Variants in RALGPS2 observed in about 807,000 individuals in gnomAD.
The protein encoded by RALGPS2 is Ral GEF with PH domain and SH3 binding motif 2.
A neutral mutation model predicts 86.8 loss-of-function variants in RALGPS2; 43 were observed. That is an observed-to-expected ratio of 0.50 (90% CI 0.39 to 0.64). The LOEUF is 0.64. Ranked by LOEUF, RALGPS2 falls within the 30% of genes least tolerant of loss-of-function variation. The probability of loss-of-function intolerance (pLI) is 0.00; values close to 1 mark genes in which losing one functional copy is unlikely to be tolerated. For missense variants in RALGPS2, 536 were observed against 694.6 expected, an observed-to-expected ratio of 0.77 and a Z score of 2.57; for synonymous variants, 243 against 231.3, an observed-to-expected ratio of 1.05 and a Z score of -0.46.
chr1:178,873,645 A>G (rs1017873825), intron 8 of RALGPS2, among the ~76,000 whole-genome samples: 1 of 152,148 alleles, frequency 6.6e-6, no homozygotes, highest in Non-Finnish European at 1.5e-5. Context: ...GTACTGGGAG[A>G]TGTGTATAAG....
At chr1:178,737,339 C>T (rs1650766233) in intron 1 of RALGPS2, among the ~76,000 whole-genome samples, 1 of 152,222 alleles carries the variant, frequency 6.6e-6, no homozygotes, top group South Asian at 2.1e-4. Context: ...CTCTGCCTCC[C>T]AGGTTCAAGC....
At chr1:178,799,626 A>G (rs1382980210) in intron 4 of RALGPS2, among the ~76,000 whole-genome samples, 3 of 152,140 alleles carry the variant, frequency 2.0e-5, no homozygotes. Context: ...GGTTCCATTG[A>G]TGCTTTGTCT....
Position 178,792,896 on chromosome 1 carries a change from C to CGTGG in RALGPS2, c.213+7289_213+7290insGTGG. ...TATATTCAACCACTATTAATATACCCTTGCAACTCTTACTTTCACACAGTT... is the reference window on the plus strand; with the variant it reads ...TATATTCAACCACTATTAATATACCCGTGGTTGCAACTCTTACTTTCACACAGTT... On this transcript the variant is annotated intron_variant, in intron 4 of 19. Coordinates refer to ENST00000367635, the MANE Select transcript of RALGPS2 (RefSeq NM_152663.5). Among the ~76,000 whole-genome samples, 4 of 152,246 alleles carry CGTGG rather than the reference C, an allele frequency of 2.6e-5. No individual in the cohort carries two copies. The South Asian group carries it at 8.3e-4, about 32-fold the overall frequency.
chr1:178,805,935 A>T (rs1047747945), intron 4 of RALGPS2, among the ~76,000 whole-genome samples: 5 of 151,964 alleles, frequency 3.3e-5, no homozygotes, highest in Admixed American at 2.6e-4. Flanking sequence ...ATTTCCAAAC[A>T]CATAAGGAAT....
intron 4 of RALGPS2, among the ~76,000 whole-genome samples, chr1:178,805,610 A>T (rs972372844): frequency 6.6e-6 from 1 of 152,054 alleles, no homozygotes; most frequent in African/African-American, 2.4e-5. Flanking sequence ...TTCTTTGAGG[A>T]ATTTATGTCT....
intron 16 of RALGPS2, among the ~76,000 whole-genome samples, chr1:178,895,754 A>G (rs921157857): frequency 6.6e-6 from 1 of 151,960 alleles, no homozygotes; most frequent in Non-Finnish European, 1.5e-5. Flanking sequence ...AGATGGGTGT[A>G]TGTTGGGGAC....
intron 1 of RALGPS2, among the ~76,000 whole-genome samples, chr1:178,743,408 T>C (rs984967065): frequency 2.6e-5 from 4 of 152,204 alleles, no homozygotes; most frequent in Non-Finnish European, 4.4e-5. Flanking sequence ...GTGGATATTA[T>C]TTTTAACTTT....
chr1:178,729,620 T>C (rs1281663350), intron 1 of RALGPS2, among the ~76,000 whole-genome samples: 1 of 152,240 alleles, frequency 6.6e-6, no homozygotes, highest in East Asian at 1.9e-4. Flanking sequence ...TATTAAACTT[T>C]TTGAGTGCCA....
At chr1:178,765,168 T>G (rs1204962363) in intron 1 of RALGPS2, among the ~76,000 whole-genome samples, 1 of 152,072 alleles carries the variant, frequency 6.6e-6, no homozygotes. Flanking sequence ...TCTTTTTTTT[T>G]TTTTTATACA....
At chr1:178,915,174 CTT>C (rs1002263201) in intron 19 of RALGPS2, among the ~76,000 whole-genome samples, 5 of 152,292 alleles carry the variant, frequency 3.3e-5, no homozygotes, top group Admixed American at 1.3e-4. Context: ...TGCAAAATAT[CTT>C]AAACCACATT....
At chr1:178,815,179 C>T (rs1655168728) in intron 6 of RALGPS2, among the ~76,000 whole-genome samples, 2 of 152,156 alleles carry the variant, frequency 1.3e-5, no homozygotes, top group South Asian at 4.1e-4. Flanking sequence ...CTCCTGGGTT[C>T]ATGTGATTCT....
At chr1:178,825,763 A>AC (rs1655716591) in intron 7 of RALGPS2, among the ~76,000 whole-genome samples, 2 of 152,238 alleles carry the variant, frequency 1.3e-5, no homozygotes, top group Non-Finnish European at 1.5e-5. Context: ...CATACTAGCC[A>AC]CATTGCAAGT....
chr1:178,871,939 C>G (rs1658782159), intron 8 of RALGPS2, among the ~76,000 whole-genome samples: 1 of 152,188 alleles, frequency 6.6e-6, no homozygotes, highest in Non-Finnish European at 1.5e-5. Flanking sequence ...TACAACTATA[C>G]TATTGTATTT....
intron 8 of RALGPS2, among the ~76,000 whole-genome samples, chr1:178,838,945 G>A (rs1206483984): frequency 2.0e-5 from 3 of 151,876 alleles, no homozygotes; most frequent in East Asian, 3.9e-4. Context: ...GAAATGAAGC[G>A]AGAAGAGAAG....
intron 1 of RALGPS2, among the ~76,000 whole-genome samples, chr1:178,736,204 C>T (rs1208767427): frequency 2.7e-5 from 4 of 147,300 alleles, no homozygotes; most frequent in Admixed American, 6.8e-5. Context: ...CTCACTGTGT[C>T]GCCCAGCCTG....
At chr1:178,735,449 A>G (rs550567735) in intron 1 of RALGPS2, among the ~76,000 whole-genome samples, 2 of 116,920 alleles carry the variant, frequency 1.7e-5, no homozygotes, top group African/African-American at 3.1e-5. Context: ...TTTTTTTTTG[A>G]TGCTGTAGCC....
intron 4 of RALGPS2, among the ~76,000 whole-genome samples, chr1:178,801,162 G>T (rs1654452830): frequency 6.6e-6 from 1 of 152,034 alleles, no homozygotes; most frequent in African/African-American, 2.4e-5. Context: ...CTGACCTCAG[G>T]TGATCCACCT....
At chr1:178,884,242 A>C (rs1659381992) in intron 11 of RALGPS2, among the ~76,000 whole-genome samples, 1 of 152,174 alleles carries the variant, frequency 6.6e-6, no homozygotes, top group Non-Finnish European at 1.5e-5. Flanking sequence ...TCAAATGTTC[A>C]CTTTAATACT....
chr1:178,896,051 A>G (rs1407693713), intron 16 of RALGPS2, among the ~76,000 whole-genome samples: 1 of 152,048 alleles, frequency 6.6e-6, no homozygotes, highest in Non-Finnish European at 1.5e-5. Context: ...AAGAGTATAA[A>G]GGAAAACTAA....
Sources: gnomAD v4.1 joint callset for allele counts (sites outside exome capture counted in the v4.1 genomes callset) on GRCh38, gnomAD v4.1.1 for gene constraint, MANE v1.5 for transcripts, NCBI Gene and HGNC (gene_info 2026-07-23, HGNC 2026-07-21) for gene names.